The following DNMT3A variants were observed in gnomAD, a reference collection of about 807,000 sequenced individuals.
The protein encoded by DNMT3A is DNA (cytosine-5)-methyltransferase 3A.
DNMT3A carries 267 observed loss-of-function variants against 117.6 expected under a neutral mutation model. The ratio of observed to expected loss-of-function variants is 2.27; its 90% confidence interval spans 2.05 to 2.51. DNMT3A has a LOEUF of 2.51. Ranked by LOEUF, DNMT3A falls within the 30% of genes most tolerant of loss-of-function variation. The pLI, the probability that DNMT3A is intolerant of heterozygous loss-of-function variation, is 0.00. For missense variants in DNMT3A, 1,029 were observed against 1,260.2 expected, an observed-to-expected ratio of 0.82 and a Z score of 2.78; for synonymous variants, 432 against 474.8, an observed-to-expected ratio of 0.91 and a Z score of 1.17.
chr2:25,290,763 C>G (rs1318084264), intron 3 of DNMT3A, among the ~76,000 whole-genome samples: 2 of 151,484 alleles, frequency 1.3e-5, no homozygotes, highest in Non-Finnish European at 2.9e-5. Context: ...CAGGCTGCAG[C>G]CCACCTGCAG....
intron 3 of DNMT3A, among the ~76,000 whole-genome samples, chr2:25,299,291 G>T (rs988193879): frequency 6.6e-6 from 1 of 152,154 alleles, no homozygotes; most frequent in Non-Finnish European, 1.5e-5. Flanking sequence ...GCTGGGGCTG[G>T]CCCTGCAGCC....
chr2:25,336,309 CA>C (rs1263260481), intron 1 of DNMT3A, among the ~76,000 whole-genome samples: 1 of 152,184 alleles, frequency 6.6e-6, no homozygotes, highest in South Asian at 2.1e-4. Flanking sequence ...CTGGCACTGG[CA>C]GCCCCTTGCA....
chr2:25,314,096 C>CT lies in DNMT3A; in HGVS notation c.-113_-112insA. The CT allele has an allele frequency of 7.0e-7, 1 of 1,436,528 alleles. No homozygotes were observed. 89.0% of individuals were successfully genotyped at this position (1,436,528 alleles called of 1,614,324 possible). On this transcript the variant is annotated 5_prime_UTR_variant, in exon 2 of 23. Transcript: ENST00000321117. ...AGAGTTAAAACTTAAACATAGATCC[C>CT]GGTGTTGAGCCCTCTGGTGAACGGT...
chr2:25,234,919 C>T lies in DNMT3A; in HGVS notation c.2598-499G>A, dbSNP rs190486098. ...CAGAAGCTGAAGGATTTCCTGTTTG[C>T]TCTGGTTGTTTGTGTAAATGGTCTC... On this transcript the variant is annotated intron_variant, in intron 22 of 22. Transcript: ENST00000321117. The surrounding 1 kb of genome is among the most constrained non-coding windows in gnomAD (Gnocchi z 4.5). Among the ~76,000 whole-genome samples the T allele has an allele frequency of 2.0e-4, 30 of 152,270 alleles. No homozygotes were observed. Among genetic ancestry groups the T allele is most frequent in the African/African-American group, 7.2e-4 (30 of 41,552 alleles).
Position 25,239,145 on chromosome 2 carries a change from A to C in DNMT3A, c.2393T>G (p.Leu798Arg). Reference sequence around the variant, plus strand: ...TTTCACCAACCTGTTCATACCGGGAAGGTTACCCCAGAAGTAGCGGGCCCT... The same window carrying C: ...TTTCACCAACCTGTTCATACCGGGACGGTTACCCCAGAAGTAGCGGGCCCT... ...AHRARYFWGN[L>R]PGMNRPLAST... is the part of the protein sequence containing the mutation. The change falls in exon 20 of 23, where the codon CTT becomes CGT. Residue 798 changes from leucine to arginine, a missense_variant. Transcript: ENST00000321117. The C allele has an allele frequency of 1.2e-6, 2 of 1,613,988 alleles. No individual in the cohort carries two copies. The highest frequency in any genetic ancestry group is 1.7e-6 in the Non-Finnish European group (2 of 1,179,894).
rs975622247 is a variant in DNMT3A, at chr2:25,281,430, T to C, written c.448+1011A>G. The C allele has an allele frequency of 2.2e-5, 23 of 1,034,976 alleles. No homozygotes were observed. Among genetic ancestry groups the C allele is most frequent in the Non-Finnish European group, 2.7e-5 (23 of 859,958 alleles). The allele number at this position is 1,034,976 out of a possible 1,614,324, so 64.1% of individuals were successfully genotyped here. A position where few individuals can be genotyped will look rare whatever the true frequency, so the allele number is the denominator to read the frequency against. On this transcript the variant is annotated intron_variant, in intron 4 of 22. Coordinates refer to ENST00000321117, the MANE Select transcript of DNMT3A (RefSeq NM_022552.5). The surrounding 1 kb of genome is among the most constrained non-coding windows in gnomAD (Gnocchi z 4.8). ...AGCATCATACATATTTGTCGAATAA[T>C]AAATGAATAAAAGCTTCTTAATAAG...
rs2033829971 is a variant in DNMT3A at position 25,307,244 on chromosome 2, C to T, written c.72+6669G>A. Among the ~76,000 whole-genome samples the T allele has an allele frequency of 3.9e-5, 6 of 152,326 alleles. No homozygotes were observed. In the South Asian group the frequency reaches 1.2e-3, roughly 32 times the overall value. Reference sequence around the variant, plus strand: ...TGCAGAGGCAGCTGCAGGGTATGACCAGGACTCCTGTGCCAAGCCCAGGTA... The same window carrying T: ...TGCAGAGGCAGCTGCAGGGTATGACTAGGACTCCTGTGCCAAGCCCAGGTA... On this transcript the variant is annotated intron_variant, in intron 2 of 22. Coordinates refer to ENST00000321117, the MANE Select transcript of DNMT3A (RefSeq NM_022552.5).
intron 3 of DNMT3A, among the ~76,000 whole-genome samples, chr2:25,290,127 T>G (rs1573436889): frequency 6.6e-6 from 1 of 152,122 alleles, no homozygotes; most frequent in African/African-American, 2.4e-5. Context: ...ACACCTAACT[T>G]TTTATTTTTA....
chr2:25,277,458 G>A (rs2031526214), intron 4 of DNMT3A, among the ~76,000 whole-genome samples: 1 of 152,126 alleles, frequency 6.6e-6, no homozygotes, highest in South Asian at 2.1e-4. Flanking sequence ...GGTCCCGGCG[G>A]ACCCTGACGC....
rs924061608 is a variant in DNMT3A at position 25,254,853 on chromosome 2, A to T, written c.640-6601T>A. On this transcript the variant is annotated intron_variant, in intron 6 of 22. Transcript: ENST00000321117. The surrounding 1 kb of genome is among the most constrained non-coding windows in gnomAD (Gnocchi z 4.7). Reference sequence around the variant, plus strand: ...ACATTCTGTGGTCTTGGGACATAAGACTGCAATGATGCCGTGCGTGCAGCA... The same window carrying T: ...ACATTCTGTGGTCTTGGGACATAAGTCTGCAATGATGCCGTGCGTGCAGCA... 6.6e-6 allele frequency among the ~76,000 whole-genome samples: 1 copy of T among 152,178 alleles called. No individual in the cohort carries two copies. Among genetic ancestry groups the T allele is most frequent in the Non-Finnish European group, 1.5e-5 (1 of 68,028 alleles).
At chr2:25,295,455 C>T (rs2033034022) in intron 3 of DNMT3A, among the ~76,000 whole-genome samples, 1 of 152,262 alleles carries the variant, frequency 6.6e-6, no homozygotes, top group Non-Finnish European at 1.5e-5. Context: ...ACCTCTTTGC[C>T]CTCAGCCCCC....
At chr2:25,283,360 C>CAAAAAA (rs56884375) in intron 3 of DNMT3A, among the ~76,000 whole-genome samples, 3 of 66,370 alleles carry the variant, frequency 4.5e-5, no homozygotes, top group African/African-American at 1.1e-4. Flanking sequence ...GACTCCGCCT[C>CAAAAAA]AAAAAAAAAA....
intron 16 of DNMT3A, among the ~76,000 whole-genome samples, chr2:25,242,921 A>AT (rs1213904453): frequency 2.0e-5 from 3 of 151,636 alleles, no homozygotes; most frequent in Non-Finnish European, 4.4e-5. Flanking sequence ...TATAATAATA[A>AT]TAAAAAAAAT....
At chr2:25,323,681 G>A (rs956399525) in intron 1 of DNMT3A, among the ~76,000 whole-genome samples, 2 of 152,166 alleles carry the variant, frequency 1.3e-5, no homozygotes, top group Non-Finnish European at 2.9e-5. Context: ...CAACCAGCCC[G>A]CAGATTTCTC....
chr2:25,293,682 A>AT lies in DNMT3A; in HGVS notation c.177+6456dup, dbSNP rs1354814716. On this transcript the variant is annotated intron_variant, in intron 3 of 22. Transcript: ENST00000321117. The surrounding 1 kb of genome is among the most constrained non-coding windows in gnomAD (Gnocchi z 4.7). ...TTATTATATATATATATAAAAATTTATTTTTTTGAGACAGAGTCTCCCTCT... is the reference window on the plus strand; with the variant it reads ...TTATTATATATATATATAAAAATTTATTTTTTTTGAGACAGAGTCTCCCTCT... 6.6e-6 allele frequency among the ~76,000 whole-genome samples: 1 copy of AT among 151,340 alleles called. No homozygotes were observed. The highest frequency in any genetic ancestry group is 1.5e-5 in the Non-Finnish European group (1 of 67,908).
intron 1 of DNMT3A, among the ~76,000 whole-genome samples, chr2:25,329,670 A>T (rs2034933008): frequency 9.0e-6 from 1 of 110,608 alleles, no homozygotes; most frequent in Admixed American, 9.1e-5. Flanking sequence ...AGTCATGCAG[A>T]CCCCACACAC....
chr2:25,284,361 C>G (rs903611818), intron 3 of DNMT3A, among the ~76,000 whole-genome samples: 8 of 152,080 alleles, frequency 5.3e-5, no homozygotes, highest in African/African-American at 1.9e-4. Flanking sequence ...AAAAATCAAA[C>G]TGTAGCCAGG....
chr2:25,295,700 CA>C (rs1382814698), intron 3 of DNMT3A, among the ~76,000 whole-genome samples: 1 of 152,196 alleles, frequency 6.6e-6, no homozygotes, highest in African/African-American at 2.4e-5. Flanking sequence ...GTGTGAAGTC[CA>C]AGTCCTGATC....
chr2:25,238,300 T>C lies in DNMT3A; in HGVS notation c.2408+830A>G, dbSNP rs148396426. Among the ~76,000 whole-genome samples, 47 of 152,186 alleles carry C rather than the reference T, an allele frequency of 3.1e-4. 1 individual carries two copies. In the East Asian group the frequency reaches 8.9e-3, roughly 29 times the overall value. ...CGATAGCAACTCTACCAAACATGTA[T>C]GAGATGGGGAAGGTCCTACAACCTC... On this transcript the variant is annotated intron_variant, in intron 20 of 22. Coordinates refer to ENST00000321117, the MANE Select transcript of DNMT3A (RefSeq NM_022552.5).
Sources: gnomAD v4.1 joint callset for allele counts (sites outside exome capture counted in the v4.1 genomes callset) on GRCh38, gnomAD v4.1.1 for gene constraint, Gnocchi (gnomAD v3.1) non-coding constraint, MANE v1.5 for transcripts, NCBI Gene and HGNC (gene_info 2026-07-23, HGNC 2026-07-21) for gene names.